Variants in ERC2 observed in about 807,000 individuals in gnomAD.
The protein encoded by ERC2 is ERC protein 2.
ERC2 carries 42 observed loss-of-function variants against 114.8 expected under a neutral mutation model. The observed-to-expected ratio is 0.37, with a 90% CI of 0.29 to 0.47. ERC2 has a LOEUF of 0.47. ERC2 is among the 20% of genes least tolerant of loss of function. The probability of loss-of-function intolerance (pLI) is 0.99; values close to 1 mark genes in which losing one functional copy is unlikely to be tolerated. For synonymous variants in ERC2, 454 were observed against 425.5 expected, an observed-to-expected ratio of 1.07 and a Z score of -0.82; for missense variants, 939 against 1,150.7, an observed-to-expected ratio of 0.82 and a Z score of 2.66.
At chr3:56,237,221 A>G (rs1262413783) in intron 3 of ERC2, among the ~76,000 whole-genome samples, 1 of 152,166 alleles carries the variant, frequency 6.6e-6, no homozygotes, top group Non-Finnish European at 1.5e-5. Flanking sequence ...TTCCAGCATC[A>G]GTGGAGATCT....
intron 14 of ERC2, among the ~76,000 whole-genome samples, chr3:55,772,911 G>A (rs926293462): frequency 1.3e-5 from 2 of 152,070 alleles, no homozygotes; most frequent in South Asian, 4.1e-4. Context: ...ATTTCCTGTT[G>A]GCCCTACCTT....
intron 2 of ERC2, among the ~76,000 whole-genome samples, chr3:56,404,257 A>G (rs745890291): frequency 7.9e-5 from 12 of 152,220 alleles, no homozygotes; most frequent in Admixed American, 1.3e-4. Context: ...AATTAATTCT[A>G]ATGATATTAA....
chr3:55,684,440 G>T (rs2062223279), intron 16 of ERC2, among the ~76,000 whole-genome samples: 1 of 152,138 alleles, frequency 6.6e-6, no homozygotes, highest in Non-Finnish European at 1.5e-5. Flanking sequence ...TTAGTTGACA[G>T]ATTCTATTTT....
In ERC2 at chr3:55,939,259, G is replaced by A. The variant is rs1218396477; in HGVS notation, c.2403+11166C>T. On this transcript the variant is annotated intron_variant, in intron 13 of 17. Transcript: ENST00000288221. Reference sequence around the variant, plus strand: ...TTAATAAAGTATCACCGCAGAATTTGACCAACCTCAAACTCTAATCCAAGA... The same window carrying A: ...TTAATAAAGTATCACCGCAGAATTTAACCAACCTCAAACTCTAATCCAAGA... 4.6e-5 allele frequency among the ~76,000 whole-genome samples: 7 copies of A among 152,302 alleles called. No individual in the cohort carries two copies. In the East Asian group the frequency reaches 1.4e-3, roughly 29 times the overall value.
At chr3:56,400,790 G>A (rs571961650) in intron 2 of ERC2, among the ~76,000 whole-genome samples, 36 of 152,230 alleles carry the variant, frequency 2.4e-4, no homozygotes, top group African/African-American at 7.7e-4. Flanking sequence ...AGTCTGATAC[G>A]TAAGTGGAAC....
intron 2 of ERC2, among the ~76,000 whole-genome samples, chr3:56,371,776 C>T (rs909724146): frequency 6.6e-6 from 1 of 152,248 alleles, no homozygotes; most frequent in African/African-American, 2.4e-5. Flanking sequence ...TTTGCTCAGA[C>T]CTATGTCAGG....
At chr3:55,630,229 G>A (rs1210558097) in intron 17 of ERC2, among the ~76,000 whole-genome samples, 1 of 152,222 alleles carries the variant, frequency 6.6e-6, no homozygotes, top group African/African-American at 2.4e-5. Flanking sequence ...GAGTGCGATG[G>A]CGCGATCTTG....
chr3:56,078,879 A>C (rs1349354056), intron 7 of ERC2, among the ~76,000 whole-genome samples: 1 of 149,650 alleles, frequency 6.7e-6, no homozygotes, highest in Non-Finnish European at 1.5e-5. Flanking sequence ...AAATTTTAAA[A>C]ATACATATAC....
intron 14 of ERC2, among the ~76,000 whole-genome samples, chr3:55,837,424 A>T (rs2060941436): frequency 6.6e-6 from 1 of 152,192 alleles, no homozygotes; most frequent in Admixed American, 6.5e-5. Flanking sequence ...CTATGCAGCC[A>T]TAAAAAATGA....
intron 14 of ERC2, among the ~76,000 whole-genome samples, chr3:55,878,240 A>C (rs1184221037): frequency 6.6e-6 from 1 of 152,110 alleles, no homozygotes; most frequent in Non-Finnish European, 1.5e-5. Flanking sequence ...TCCATTAAAA[A>C]CCACCAGGCT....
chr3:55,775,530 C>A (rs2068526301), intron 14 of ERC2, among the ~76,000 whole-genome samples: 1 of 111,208 alleles, frequency 9.0e-6, no homozygotes, highest in South Asian at 3.0e-4. Flanking sequence ...GAATGAGACC[C>A]TGTCTCAAAA....
intron 3 of ERC2, among the ~76,000 whole-genome samples, chr3:56,243,781 T>C (rs977682481): frequency 1.3e-5 from 2 of 152,190 alleles, no homozygotes; most frequent in Admixed American, 6.5e-5. Flanking sequence ...GGAGCTATTG[T>C]CATACAGTCA....
At position 56,335,806 on chromosome 3, in the gene ERC2, G is replaced by A. The variant is rs370275099; in HGVS notation, c.658-39371C>T. Among the ~76,000 whole-genome samples, 12 of 152,226 alleles carry A rather than the reference G, an allele frequency of 7.9e-5. No homozygotes were observed. The East Asian group carries it at 1.4e-3, about 17-fold the overall frequency. ...CTGTGTCTCTACTCTGCTGTGAGTC[G>A]TCCTTCCATTCACTCATCGGCTGAA... On this transcript the variant is annotated intron_variant, in intron 2 of 17. Coordinates refer to ENST00000288221, the MANE Select transcript of ERC2 (RefSeq NM_015576.3).
chr3:55,652,405 G>T (rs547723053), intron 17 of ERC2, among the ~76,000 whole-genome samples: 1 of 152,204 alleles, frequency 6.6e-6, no homozygotes, highest in South Asian at 2.1e-4. Flanking sequence ...ACCTATAAAG[G>T]TGGACATTTA....
At chr3:56,355,697 T>C (rs1270469902) in intron 2 of ERC2, among the ~76,000 whole-genome samples, 2 of 152,180 alleles carry the variant, frequency 1.3e-5, no homozygotes, top group African/African-American at 2.4e-5. Flanking sequence ...TTTTGTACAA[T>C]GTAGGCAAAT....
At chr3:56,174,250 C>T (rs2150026920) in intron 3 of ERC2, among the ~76,000 whole-genome samples, 1 of 152,300 alleles carries the variant, frequency 6.6e-6, no homozygotes, top group Non-Finnish European at 1.5e-5. Context: ...CAACTTTTAT[C>T]TTGAAGGTCA....
At chr3:56,150,548 A>G (rs2081363369) in intron 4 of ERC2, among the ~76,000 whole-genome samples, 1 of 152,302 alleles carries the variant, frequency 6.6e-6, no homozygotes, top group African/African-American at 2.4e-5. Context: ...TTCCAAGATT[A>G]TTAGGAAATG....
chr3:55,856,905 G>A (rs552734754), intron 14 of ERC2, among the ~76,000 whole-genome samples: 7 of 152,250 alleles, frequency 4.6e-5, no homozygotes, highest in African/African-American at 1.7e-4. Flanking sequence ...TATGAAACAA[G>A]ACAAACACAA....
At chr3:56,033,015 G>GAAACAT (rs1307940036) in intron 7 of ERC2, among the ~76,000 whole-genome samples, 2 of 98,864 alleles carry the variant, frequency 2.0e-5, no homozygotes, top group African/African-American at 7.7e-5. Context: ...AAGAAAGAAA[G>GAAACAT]AAAGAAAAAA....
Sources: gnomAD v4.1 joint callset for allele counts (sites outside exome capture counted in the v4.1 genomes callset) on GRCh38, gnomAD v4.1.1 for gene constraint, MANE v1.5 for transcripts, NCBI Gene and HGNC (gene_info 2026-07-23, HGNC 2026-07-21) for gene names.